Variants in PCDHGA7 observed in about 807,000 individuals in gnomAD.
PCDHGA7 encodes protocadherin gamma-A7.
In PCDHGA7, 44 loss-of-function variants were observed where a neutral mutation model predicts 58.3. The ratio of observed to expected loss-of-function variants is 0.75; its 90% confidence interval spans 0.59 to 0.97. PCDHGA7 has a LOEUF of 0.97. PCDHGA7 is among the 50% of genes least tolerant of loss of function. The pLI is 0.00. For missense variants in PCDHGA7, 1,266 were observed against 1,188.7 expected, an observed-to-expected ratio of 1.06 and a Z score of -0.96; for synonymous variants, 516 against 504.2, an observed-to-expected ratio of 1.02 and a Z score of -0.31.
chr5:141,414,751 T>C (rs2095785645), intron 1 of PCDHGA7: 4 of 1,614,084 alleles, frequency 2.5e-6, no homozygotes, highest in Non-Finnish European at 1.7e-6. Flanking sequence ...ATCCTTCGAC[T>C]ATGAGCAGTT....
chr5:141,428,395 G>A, intron 1 of PCDHGA7: 1 of 488,280 alleles, frequency 2.0e-6, no homozygotes, highest in Non-Finnish European at 3.8e-6. Flanking sequence ...CAGCCCCTCT[G>A]CCTGGGGTTG....
chr5:141,485,821 T>C lies in PCDHGA7; in HGVS notation c.2425-8986T>C, dbSNP rs765768266. 4 of 1,614,134 alleles carry C rather than the reference T, an allele frequency of 2.5e-6. No homozygotes were observed. Among genetic ancestry groups the C allele is most frequent in the Admixed American group, 1.7e-5 (1 of 60,014 alleles). ...ACCGCCTGGTGCTGACTGCTGTCGATGGAGGGAACCCGCCGAGATCTGGCA... is the reference window on the plus strand; with the variant it reads ...ACCGCCTGGTGCTGACTGCTGTCGACGGAGGGAACCCGCCGAGATCTGGCA... On this transcript the variant is annotated intron_variant, in intron 1 of 3. Coordinates refer to ENST00000518325, the MANE Select transcript of PCDHGA7 (RefSeq NM_018920.4). This position sits in a 1 kb window ranked among gnomAD's most constrained non-coding sequence, Gnocchi z 5.7.
Position 141,383,561 on chromosome 5 carries a change from C to A in PCDHGA7, c.662C>A (p.Pro221His). The change falls in exon 1 of 4, where the codon CCC becomes CAC. Residue 221 changes from proline (P) to histidine (H), a missense_variant. Pro to His is a moderately conservative substitution (Grantham distance 77, BLOSUM62 -2). Transcript: ENST00000518325. ...ACAGCCTCTGATGGCGGCGACCCGC[C>A]CCGATCCAGCACCGCCCACATCCAG... ...VLTASDGGDPPRSSTAHIQVT... is the reference protein window; with the variant it reads ...VLTASDGGDPHRSSTAHIQVT... The A allele has an allele frequency of 5.0e-6, 8 of 1,613,196 alleles. No homozygotes were observed. Among genetic ancestry groups the A allele is most frequent in the Non-Finnish European group, 6.8e-6 (8 of 1,179,694 alleles).
rs759756007 is a variant in PCDHGA7 at position 141,476,248 on chromosome 5, T to C, written c.2425-18559T>C. 2 of 1,613,856 alleles carry C rather than the reference T, an allele frequency of 1.2e-6. No individual in the cohort carries two copies. Among genetic ancestry groups the C allele is most frequent in the South Asian group, 2.2e-5 (2 of 91,050 alleles). On this transcript the variant is annotated intron_variant, in intron 1 of 3. Transcript: ENST00000518325. The surrounding 1 kb of genome is among the most constrained non-coding windows in gnomAD (Gnocchi z 7.6). The stretch of plus-strand genomic sequence containing the variant: ...AGATCCCGGAGGAAAGAGAGAAGGG[T>C]TTCGCTGTGGGCAACGTGGTCGCGA...
In PCDHGA7 at chr5:141,441,877, C is replaced by T. The variant is rs945298341; in HGVS notation, c.2425-52930C>T. ...GCTGCACGCCGCGGAGCCTGGCTACCTGGTCACCAAGGTGGTGGCTGTAGA... is the reference window on the plus strand; with the variant it reads ...GCTGCACGCCGCGGAGCCTGGCTACTTGGTCACCAAGGTGGTGGCTGTAGA... On this transcript the variant is annotated intron_variant, in intron 1 of 3. Transcript: ENST00000518325. 4 of 343,582 alleles carry T rather than the reference C, an allele frequency of 1.2e-5. No homozygotes were observed. In the Admixed American group the frequency reaches 1.6e-4, roughly 13 times the overall value. 21.3% of individuals were successfully genotyped at this position (343,582 alleles called of 1,614,324 possible).
At chr5:141,473,131 A>G (rs1262205483) in intron 1 of PCDHGA7, among the ~76,000 whole-genome samples, 2 of 152,214 alleles carry the variant, frequency 1.3e-5, no homozygotes, top group Admixed American at 6.5e-5. Context: ...TTGGCAAACT[A>G]TATTATCTCT....
At chr5:141,429,396 T>A (rs2097212352) in intron 1 of PCDHGA7, among the ~76,000 whole-genome samples, 1 of 151,520 alleles carries the variant, frequency 6.6e-6, no homozygotes, top group African/African-American at 2.4e-5. Context: ...TTAAAAAAAA[T>A]TGAGATTAAG....
Position 141,487,564 on chromosome 5 carries a change from G to A in PCDHGA7, c.2425-7243G>A, listed in dbSNP as rs1436847912. ...AGTCACCCAGTGCACCTATGGCAGG[G>A]GAGCCTGTTCGCCCAAGCTGCCCAC... On this transcript the variant is annotated intron_variant, in intron 1 of 3. Coordinates refer to ENST00000518325, the MANE Select transcript of PCDHGA7 (RefSeq NM_018920.4). This position sits in a 1 kb window ranked among gnomAD's most constrained non-coding sequence, Gnocchi z 5.0. 3 of 1,614,178 alleles carry A rather than the reference G, an allele frequency of 1.9e-6. No homozygotes were observed. Among genetic ancestry groups the A allele is most frequent in the Non-Finnish European group, 2.5e-6 (3 of 1,180,040 alleles).
At chr5:141,402,870 C>G in intron 1 of PCDHGA7, 1 of 1,449,300 alleles carries the variant, frequency 6.9e-7, no homozygotes, top group Non-Finnish European at 9.1e-7. Flanking sequence ...AAAAGATCAC[C>G]ATACTTTGCA....
chr5:141,501,328 CACACA>C (rs1562200832), intron 2 of PCDHGA7, among the ~76,000 whole-genome samples: 17 of 151,710 alleles, frequency 1.1e-4, no homozygotes, highest in African/African-American at 1.9e-4. Context: ...CACACACACA[CACACA>C]CCCCAAACTC....
chr5:141,478,882 A>G, intron 1 of PCDHGA7: 1 of 1,200,164 alleles, frequency 8.3e-7, no homozygotes. Context: ...TTAGCTTGGT[A>G]TCATTTACAT....
Position 141,384,303 on chromosome 5 carries a change from G to C in PCDHGA7, c.1404G>C (p.Gly468=). The C allele has an allele frequency of 6.2e-7, 1 of 1,613,716 alleles. No homozygotes were observed. Among genetic ancestry groups the C allele is most frequent in the Non-Finnish European group, 8.5e-7 (1 of 1,179,870 alleles). ...SVYIAENNPR[G]ASIFLVTAQD... ...ACATCGCTGAGAACAACCCCAGAGG[G>C]GCCTCCATTTTCTTAGTGACTGCAC... Residue 468 remains glycine (G), a synonymous_variant, in exon 1 of 4, where the codon GGG becomes GGC. Coordinates refer to ENST00000518325, the MANE Select transcript of PCDHGA7 (RefSeq NM_018920.4).
chr5:141,409,833 C>G (rs973436075), intron 1 of PCDHGA7: 2 of 1,611,368 alleles, frequency 1.2e-6, no homozygotes, highest in Non-Finnish European at 1.7e-6. Context: ...ACGCTCAGCG[C>G]CAACGTGAGC....
chr5:141,494,845 C>G lies in PCDHGA7; in HGVS notation c.2463C>G (p.Ala821=), dbSNP rs747484430. The part of the protein sequence containing the change: ...PPNTDWRFSQ[A]QRPGTSGSQN... Reference sequence around the variant, plus strand: ...ACACGGACTGGCGTTTCTCTCAGGCCCAGAGACCCGGCACCAGCGGGTAGG... The same window carrying G: ...ACACGGACTGGCGTTTCTCTCAGGCGCAGAGACCCGGCACCAGCGGGTAGG... The change falls in exon 2 of 4, where the codon GCC becomes GCG. Residue 821 remains alanine, a synonymous_variant. Transcript: ENST00000518325. 1.2e-6 allele frequency: 2 copies of G among 1,614,144 alleles called. No individual in the cohort carries two copies. The highest frequency in any genetic ancestry group is 1.7e-6 in the Non-Finnish European group (2 of 1,180,028).
At chr5:141,405,436 T>C (rs2094666141) in intron 1 of PCDHGA7, 1 of 1,458,154 alleles carries the variant, frequency 6.9e-7, no homozygotes. Flanking sequence ...TGTTTTGTTT[T>C]TGAGACAGAG....
Position 141,408,693 on chromosome 5 carries a change from TAAACTC to T in PCDHGA7, c.2424+23373_2424+23378del, listed in dbSNP as rs1561714743. 1.9e-6 allele frequency: 3 copies of T among 1,613,768 alleles called. No homozygotes were observed. In the African/African-American group the frequency reaches 4.0e-5, roughly 22 times the overall value. On this transcript the variant is annotated intron_variant, in intron 1 of 3. Coordinates refer to ENST00000518325, the MANE Select transcript of PCDHGA7 (RefSeq NM_018920.4). The stretch of plus-strand genomic sequence containing the variant: ...CCTGCCACGGATCCTGATATAAACA[TAAACTC>T]AATTAAAGATTATAAGATAAACTCT...
At chr5:141,390,348 A>G in intron 1 of PCDHGA7, 1 of 1,572,378 alleles carries the variant, frequency 6.4e-7, no homozygotes, top group Middle Eastern at 1.7e-4. Flanking sequence ...ACAAGAAAAT[A>G]TACATATTTG....
Position 141,490,845 on chromosome 5 carries a change from G to T in PCDHGA7, c.2425-3962G>T, listed in dbSNP as rs748605746. The T allele has an allele frequency of 1.4e-5, 22 of 1,613,726 alleles. No individual in the cohort carries two copies. The highest frequency in any genetic ancestry group is 1.7e-5 in the Non-Finnish European group (20 of 1,179,894). On this transcript the variant is annotated intron_variant, in intron 1 of 3. Coordinates refer to ENST00000518325, the MANE Select transcript of PCDHGA7 (RefSeq NM_018920.4). This position sits in a 1 kb window ranked among gnomAD's most constrained non-coding sequence, Gnocchi z 5.4. ...TGCAGATGCTGCAGATTGTGGTGGG[G>T]GTTCGAGACTCCGGCTCTCCCCCAT...
chr5:141,505,322 G>A, intron 2 of PCDHGA7, 71 bp from the exon 3 acceptor site: 1 of 1,606,332 alleles, frequency 6.2e-7, no homozygotes, highest in African/African-American at 1.3e-5. Context: ...TGGGAGCCCT[G>A]GGAGAGGACA....
Sources: allele counts gnomAD v4.1 joint callset (sites outside exome capture counted in the v4.1 genomes callset), GRCh38; gene constraint gnomAD v4.1.1; non-coding constraint Gnocchi (gnomAD v3.1); transcripts MANE v1.5; gene names NCBI Gene and HGNC (gene_info 2026-07-23, HGNC 2026-07-21).